TPH2: variants seen among roughly 807,000 people sequenced by gnomAD.
TPH2 encodes the protein tryptophan 5-hydroxylase 2.
In TPH2, 27 loss-of-function variants were observed where a neutral mutation model predicts 59.1. That is an observed-to-expected ratio of 0.46 (90% CI 0.34 to 0.63). The LOEUF (loss-of-function observed/expected upper bound fraction) is 0.63. Ranked by LOEUF, TPH2 falls within the 30% of genes least tolerant of loss-of-function variation. The pLI is 0.01. For missense variants in TPH2, 523 were observed against 588.3 expected (o/e 0.89, Z 1.15); for synonymous variants, 220 against 210.5 (o/e 1.05, Z -0.39).
chr12:71,964,876 C>A (rs1871773537), intron 5 of TPH2: 5 of 410,160 alleles, frequency 1.2e-5, no homozygotes, highest in Non-Finnish European at 1.6e-5. Flanking sequence ...CATATTATTT[C>A]ATCACCCAGG....
At chr12:71,961,175 C>T (rs528513990) in intron 5 of TPH2, among the ~76,000 whole-genome samples, 161 of 152,274 alleles carry the variant, frequency 1.1e-3, no homozygotes, top group Non-Finnish European at 1.9e-3. Flanking sequence ...CTTCCTATAG[C>T]TGAGTCCCCA....
chr12:72,013,382 G>A (rs551030092), intron 8 of TPH2, among the ~76,000 whole-genome samples: 2 of 152,236 alleles, frequency 1.3e-5, no homozygotes, highest in South Asian at 4.2e-4. Flanking sequence ...TCTCAGTGTA[G>A]CCTGTGATCT....
At chr12:72,029,802 C>A (rs192564727) in intron 9 of TPH2, among the ~76,000 whole-genome samples, 1 of 152,100 alleles carries the variant, frequency 6.6e-6, no homozygotes, top group African/African-American at 2.4e-5. Context: ...ACATGTCAGT[C>A]TTTTGGTTCT....
chr12:72,006,894 T>A (rs1233383512), intron 8 of TPH2, among the ~76,000 whole-genome samples: 3 of 152,162 alleles, frequency 2.0e-5, no homozygotes, highest in African/African-American at 7.2e-5. Flanking sequence ...ATTGTGAAGC[T>A]GCTTAGCACA....
At chr12:71,959,876 T>C (rs1024663513) in intron 5 of TPH2, among the ~76,000 whole-genome samples, 1 of 152,210 alleles carries the variant, frequency 6.6e-6, no homozygotes, top group African/African-American at 2.4e-5. Context: ...CCTTGATGAA[T>C]TGTAGGCTCT....
At chr12:71,970,578 A>C (rs762354638) in intron 5 of TPH2, among the ~76,000 whole-genome samples, 75 of 152,328 alleles carry the variant, frequency 4.9e-4, no homozygotes, top group Non-Finnish European at 9.1e-4. Flanking sequence ...CTGATCATGC[A>C]CAGCCCTTAT....
At chr12:71,942,245 G>T (rs1336687429) in intron 2 of TPH2, among the ~76,000 whole-genome samples, 1 of 152,010 alleles carries the variant, frequency 6.6e-6, no homozygotes, top group African/African-American at 2.4e-5. Flanking sequence ...TATATTGTTG[G>T]GGTAGCTCTT....
At chr12:72,027,532 G>A (rs1381603740) in intron 9 of TPH2, among the ~76,000 whole-genome samples, 1 of 152,214 alleles carries the variant, frequency 6.6e-6, no homozygotes, top group Non-Finnish European at 1.5e-5. Context: ...ACGTAGTTAG[G>A]TAGAGATGGA....
intron 8 of TPH2, among the ~76,000 whole-genome samples, chr12:71,997,644 C>G (rs777852560): frequency 2.6e-5 from 4 of 152,024 alleles, no homozygotes; most frequent in Non-Finnish European, 5.9e-5. Context: ...TTTTTCTCTC[C>G]CTCTCTCTTT....
chr12:71,939,019 A>C lies in TPH2; in HGVS notation c.33A>C (p.Lys11Asn), dbSNP rs1290412128. 6.2e-7 allele frequency: 1 copy of C among 1,614,034 alleles called. No homozygotes were observed. Among genetic ancestry groups the C allele is most frequent in the Non-Finnish European group, 8.5e-7 (1 of 1,180,028 alleles). ...CAGCAATGATGATGTTTTCCAGTAA[A>C]TACTGGGCACGGAGAGGGTTTTCCC... is the stretch of plus-strand genomic sequence containing the variant. MQPAMMMFSSKYWARRGFSLD... is the reference protein window; with the variant it reads MQPAMMMFSSNYWARRGFSLD... Residue 11 changes from lysine to asparagine, a missense_variant, in exon 1 of 11, where the codon AAA becomes AAC. Transcript: ENST00000333850.
At chr12:71,984,052 G>T (rs1221875763) in intron 7 of TPH2, among the ~76,000 whole-genome samples, 1 of 152,080 alleles carries the variant, frequency 6.6e-6, no homozygotes, top group Non-Finnish European at 1.5e-5. Context: ...TTTTCTGCCG[G>T]CATCACTTTT....
In TPH2 at chr12:71,993,738, A is replaced by G. The variant is rs551858031; in HGVS notation, c.942-701A>G. Reference sequence around the variant, plus strand: ...AAAAGCAACTTTGATGATGATGACAATAGAATCCTCTGCCATTACCCATTG... The same window carrying G: ...AAAAGCAACTTTGATGATGATGACAGTAGAATCCTCTGCCATTACCCATTG... On this transcript the variant is annotated intron_variant, in intron 7 of 10. Coordinates refer to ENST00000333850, the MANE Select transcript of TPH2 (RefSeq NM_173353.4). Among the ~76,000 whole-genome samples, 20 of 152,342 alleles carry G rather than the reference A, an allele frequency of 1.3e-4. No individual in the cohort carries two copies. In the Middle Eastern group the frequency reaches 0.01, roughly 78 times the overall value.
chr12:71,969,144 G>A lies in TPH2; in HGVS notation c.609-3375G>A, dbSNP rs183236055. Among the ~76,000 whole-genome samples, 226 of 152,168 alleles carry A rather than the reference G, an allele frequency of 1.5e-3. 1 individual carries two copies. The highest frequency in any genetic ancestry group is 5.1e-3 in the African/African-American group (211 of 41,512). On this transcript the variant is annotated intron_variant, in intron 5 of 10. Coordinates refer to ENST00000333850, the MANE Select transcript of TPH2 (RefSeq NM_173353.4). ...TAAAAATACAAAAAATTAGCCGGGC[G>A]TGGTGGCGGGCGCCTGTAGTCCCAG...
At chr12:71,979,157 A>T (rs868030254) in intron 7 of TPH2, 70 bp downstream of exon 7, 1 of 1,600,778 alleles carries the variant, frequency 6.2e-7, no homozygotes, top group Middle Eastern at 1.7e-4. Flanking sequence ...CTTGAAAATG[A>T]CTTAGGCCCT....
At chr12:71,971,218 T>A (rs1163755296) in intron 5 of TPH2, among the ~76,000 whole-genome samples, 1 of 152,240 alleles carries the variant, frequency 6.6e-6, no homozygotes, top group Non-Finnish European at 1.5e-5. Flanking sequence ...GTTCCTGTAG[T>A]GACCACCTGC....
rs781612841 is a variant in TPH2 at position 71,982,015 on chromosome 12, A to ATTTTTTTTTTT, written c.941+2935_941+2945dup. On this transcript the variant is annotated intron_variant, in intron 7 of 10. Coordinates refer to ENST00000333850, the MANE Select transcript of TPH2 (RefSeq NM_173353.4). ...TTTTTGTGGGTTTCATATCATTCGT[A>ATTTTTTTTTTT]TTTTTTTTTTTTTTTTTAGACAGAG... 3.0e-3 allele frequency among the ~76,000 whole-genome samples: 181 copies of ATTTTTTTTTTT among 60,476 alleles called. 29 individuals carry two copies. Among genetic ancestry groups the ATTTTTTTTTTT allele is most frequent in the African/African-American group, 7.0e-3 (115 of 16,372 alleles). 39.7% of individuals were successfully genotyped at this position (60,476 alleles called of 152,430 possible). A position where few individuals can be genotyped will look rare whatever the true frequency, so the allele number is the denominator to read the frequency against.
intron 5 of TPH2, among the ~76,000 whole-genome samples, chr12:71,969,210 G>A (rs1025507778): frequency 2.6e-5 from 4 of 152,180 alleles, no homozygotes; most frequent in African/African-American, 9.7e-5. Flanking sequence ...GTGAACCCGG[G>A]AGGCGGAGCT....
intron 7 of TPH2, among the ~76,000 whole-genome samples, chr12:71,987,451 A>G (rs1292953631): frequency 2.0e-5 from 3 of 152,232 alleles, no homozygotes; most frequent in African/African-American, 4.8e-5. Flanking sequence ...AACTTATTCA[A>G]GTATGATAGG....
chr12:72,007,091 T>A (rs1200108958), intron 8 of TPH2, among the ~76,000 whole-genome samples: 1 of 152,132 alleles, frequency 6.6e-6, no homozygotes, highest in Non-Finnish European at 1.5e-5. Context: ...AAGTGCAGAC[T>A]ATGCAGTTTA....
Sources: allele counts gnomAD v4.1 joint callset (sites outside exome capture counted in the v4.1 genomes callset), GRCh38; gene constraint gnomAD v4.1.1; transcripts MANE v1.5; gene names NCBI Gene and HGNC (gene_info 2026-07-23, HGNC 2026-07-21).